Variants in MYO10 observed in about 807,000 individuals in gnomAD.
MYO10 encodes the protein myosin X, also known as unconventional myosin-X.
Under a neutral mutation model 257.3 loss-of-function variants are expected in MYO10, and 133 were observed. The observed-to-expected ratio is 0.52, with a 90% confidence interval of 0.45 to 0.60. The LOEUF is 0.60. Ranked by LOEUF, MYO10 falls within the 20% of genes least tolerant of loss-of-function variation. MYO10 has a pLI of 0.00. For synonymous variants in MYO10, 1,104 were observed against 1,028.6 expected, an observed-to-expected ratio of 1.07 and a Z score of -1.40; for missense variants, 2,399 against 2,635.7, an observed-to-expected ratio of 0.91 and a Z score of 1.97.
chr5:16,764,766 G>C (rs1740816048), intron 11 of MYO10, among the ~76,000 whole-genome samples: 1 of 152,078 alleles, frequency 6.6e-6, no homozygotes, highest in African/African-American at 2.4e-5. Flanking sequence ...TCGGCTCACA[G>C]CAACCTCCAC....
At chr5:16,686,082 A>G (rs1254236086) in intron 28 of MYO10, among the ~76,000 whole-genome samples, 1 of 152,226 alleles carries the variant, frequency 6.6e-6, no homozygotes, top group Admixed American at 6.5e-5. Flanking sequence ...CCTTTTCTCC[A>G]GGTCCCATAG....
Position 16,700,946 on chromosome 5 carries a change from G to T in MYO10, c.3432+17C>A, listed in dbSNP as rs1381641535. The T allele has an allele frequency of 4.6e-6, 7 of 1,531,552 alleles. No individual in the cohort carries two copies. The highest frequency in any genetic ancestry group is 5.3e-6 in the Non-Finnish European group (6 of 1,134,446). The allele number at this position is 1,531,552 out of a possible 1,614,324, so 94.9% of individuals were successfully genotyped here. On this transcript the variant is annotated intron_variant, in intron 25 of 40. Coordinates refer to ENST00000513610, the MANE Select transcript of MYO10 (RefSeq NM_012334.3). ...CCGGCCACCCATTTCACTGGGACAC[G>T]CCAGGCAGGTACTTACCGAGGACTG...
intron 2 of MYO10, among the ~76,000 whole-genome samples, chr5:16,818,674 G>A (rs1742714910): frequency 6.6e-6 from 1 of 151,556 alleles, no homozygotes; most frequent in African/African-American, 2.4e-5. Context: ...CTGGGCTCAA[G>A]CAATCCACCT....
chr5:16,670,699 C>T lies in MYO10; in HGVS notation c.5710G>A (p.Glu1904Lys), dbSNP rs773601311. 1.0e-4 allele frequency: 167 copies of T among 1,613,924 alleles called. No homozygotes were observed. Among genetic ancestry groups the T allele is most frequent in the Non-Finnish European group, 1.3e-4 (157 of 1,179,902 alleles). Residue 1904 changes from glutamate to lysine, a missense_variant, in exon 39 of 41, where the codon GAG becomes AAG. This residue lies in a region of MYO10 where 1,820 missense variants were observed against 1,939.4 expected (regional missense o/e 0.94). Coordinates refer to ENST00000513610, the MANE Select transcript of MYO10 (RefSeq NM_012334.3). ...RTGSVVRQKV[E>K]EEQMLDMWIK... The stretch of plus-strand genomic sequence containing the variant: ...CACATGTCCAGCATCTGCTCCTCCT[C>T]GACCTTCTGCCGGACCACGGATCCT...
chr5:16,727,294 G>C (rs1184625690), intron 19 of MYO10, among the ~76,000 whole-genome samples: 1 of 152,044 alleles, frequency 6.6e-6, no homozygotes, highest in African/African-American at 2.4e-5. Context: ...AAAAAGTTAG[G>C]GCTTCTGGTT....
intron 4 of MYO10, among the ~76,000 whole-genome samples, chr5:16,784,499 G>A (rs747693455): frequency 5.9e-5 from 9 of 152,176 alleles, no homozygotes; most frequent in East Asian, 1.9e-4. Flanking sequence ...AGGAAGATAC[G>A]GACATGAGAG....
At chr5:16,908,332 A>G (rs1745569579) in intron 1 of MYO10, among the ~76,000 whole-genome samples, 1 of 152,162 alleles carries the variant, frequency 6.6e-6, no homozygotes, top group Non-Finnish European at 1.5e-5. Context: ...GTTCGAGAGC[A>G]GCCTGGCCAA....
chr5:16,914,519 T>G (rs1333791884), intron 1 of MYO10, among the ~76,000 whole-genome samples: 1 of 152,248 alleles, frequency 6.6e-6, no homozygotes. Flanking sequence ...CTGTTAATTC[T>G]GCAGACCTGT....
chr5:16,675,795 C>G (rs946551786), intron 34 of MYO10, among the ~76,000 whole-genome samples: 1 of 152,174 alleles, frequency 6.6e-6, no homozygotes, highest in East Asian at 1.9e-4. Flanking sequence ...CTGGCATTTT[C>G]TGACTCCTTT....
chr5:16,915,368 C>T (rs1745785923), intron 1 of MYO10, among the ~76,000 whole-genome samples: 1 of 152,150 alleles, frequency 6.6e-6, no homozygotes, highest in Non-Finnish European at 1.5e-5. Context: ...CAAATGGCAC[C>T]AAATAAGTTC....
chr5:16,719,238 C>T (rs142627886), intron 19 of MYO10, among the ~76,000 whole-genome samples: 2,278 of 152,170 alleles, frequency 0.015, 60 homozygotes, highest in African/African-American at 0.052. Flanking sequence ...AGACTCTAGA[C>T]GCGCCACCTT....
At chr5:16,735,649 C>T (rs1739763265) in intron 19 of MYO10, among the ~76,000 whole-genome samples, 1 of 150,102 alleles carries the variant, frequency 6.7e-6, no homozygotes, top group African/African-American at 2.5e-5. Context: ...GCCGAGATCC[C>T]ACCGCCACAC....
Position 16,681,982 on chromosome 5 carries a change from G to A in MYO10, c.4078C>T (p.Arg1360Trp), listed in dbSNP as rs370540490. 3.3e-5 allele frequency: 54 copies of A among 1,613,606 alleles called. No homozygotes were observed. Among genetic ancestry groups the A allele is most frequent in the Admixed American group, 5.0e-5 (3 of 59,988 alleles). The change falls in exon 31 of 41, where the codon CGG becomes TGG. Residue 1360 changes from arginine (R) to tryptophan (W), a missense_variant. Arg to Trp is a moderately radical substitution (Grantham distance 101, BLOSUM62 -3). Transcript: ENST00000513610. ...GTGTCGGCGTTGCAGTGCAGCACCC[G>A]GTTGGCCGTGATGATCACAAACGAG... ...PNSFVIITANRVLHCNADTPE... is the reference protein window; with the variant it reads ...PNSFVIITANWVLHCNADTPE...
At chr5:16,802,930 CCT>C (rs1160843564) in intron 3 of MYO10, among the ~76,000 whole-genome samples, 1 of 145,738 alleles carries the variant, frequency 6.9e-6, no homozygotes, top group Non-Finnish European at 1.5e-5. Context: ...ACAGTGAGAT[CCT>C]CTCTCTCAAA....
chr5:16,793,094 C>T lies in MYO10; in HGVS notation c.467+1552G>A, dbSNP rs73756275. Among the ~76,000 whole-genome samples the T allele has an allele frequency of 7.4e-3, 1,126 of 152,232 alleles. 11 individuals carry two copies. The highest frequency in any genetic ancestry group is 0.026 in the African/African-American group (1,070 of 41,540). On this transcript the variant is annotated intron_variant, in intron 4 of 40. Coordinates refer to ENST00000513610, the MANE Select transcript of MYO10 (RefSeq NM_012334.3). ...TGGCTCCTCAGTAACAACTATACCC[C>T]GTGAGTGAACTCCTGCGAGGAGAAA... is the stretch of plus-strand genomic sequence containing the variant.
chr5:16,846,272 T>A (rs1054098434), intron 2 of MYO10, among the ~76,000 whole-genome samples: 1 of 152,180 alleles, frequency 6.6e-6, no homozygotes, highest in Non-Finnish European at 1.5e-5. Flanking sequence ...TAAACAGGAT[T>A]TGGATGAAGT....
At chr5:16,706,252 C>T (rs554081691) in intron 21 of MYO10, among the ~76,000 whole-genome samples, 3 of 150,396 alleles carry the variant, frequency 2.0e-5, no homozygotes, top group African/African-American at 7.5e-5. Flanking sequence ...TATATATACA[C>T]ATATACTCAT....
At position 16,664,697 on chromosome 5, in the gene MYO10, G is replaced by C. The variant is rs1736087195; in HGVS notation, c.*1995C>G. 1 of 152,262 alleles carries C rather than the reference G, an allele frequency of 6.6e-6. No homozygotes were observed. Among genetic ancestry groups the C allele is most frequent in the African/African-American group, 2.4e-5 (1 of 41,456 alleles). The allele number at this position is 152,262 out of a possible 1,614,324, so 9.4% of individuals were successfully genotyped here. ...GGTGCAGGCAGGTTCTAGGATCCAG[G>C]GTTGCAAGATCAGGCACACTTTGGG... On this transcript the variant is annotated 3_prime_UTR_variant, in exon 41 of 41. Coordinates refer to ENST00000513610, the MANE Select transcript of MYO10 (RefSeq NM_012334.3).
intron 26 of MYO10, among the ~76,000 whole-genome samples, chr5:16,695,526 GAA>G (rs531109269): frequency 7.3e-6 from 1 of 137,288 alleles, no homozygotes; most frequent in African/African-American, 2.7e-5. Context: ...CTGAGACTAT[GAA>G]AAAAAAAAAA....
Sources: gnomAD v4.1 joint callset for allele counts (sites outside exome capture counted in the v4.1 genomes callset) on GRCh38, gnomAD v4.1.1 for gene constraint, gnomAD v4.1.1 regional missense constraint, MANE v1.5 for transcripts, NCBI Gene and HGNC (gene_info 2026-07-23, HGNC 2026-07-21) for gene names.